Variants in KCNH1 observed in about 807,000 individuals in gnomAD.
KCNH1 encodes the protein potassium voltage-gated channel subfamily H member 1.
A neutral mutation model predicts 69.2 loss-of-function variants in KCNH1; 27 were observed. That is an observed-to-expected ratio of 0.39 (90% CI 0.29 to 0.54). KCNH1 has a LOEUF of 0.54. KCNH1 is among the 20% of genes least tolerant of loss of function. The pLI, the probability that KCNH1 is intolerant of heterozygous loss-of-function variation, is 0.68. For missense variants in KCNH1, 798 were observed against 1,261.6 expected (o/e 0.63, Z 5.57); for synonymous variants, 456 against 487.7 (o/e 0.93, Z 0.86).
chr1:211,027,214 T>C (rs868565964), intron 5 of KCNH1, among the ~76,000 whole-genome samples: 1 of 151,878 alleles, frequency 6.6e-6, no homozygotes, highest in African/African-American at 2.4e-5. Context: ...TTGAAACAAA[T>C]AGAAAGTCTC....
At chr1:210,997,683 G>A (rs1236738037) in intron 6 of KCNH1, among the ~76,000 whole-genome samples, 1 of 152,124 alleles carries the variant, frequency 6.6e-6, no homozygotes, top group Non-Finnish European at 1.5e-5. Flanking sequence ...TACTCCTCGA[G>A]AAGAGCAACT....
intron 7 of KCNH1, among the ~76,000 whole-genome samples, chr1:210,911,700 AC>A (rs1363280059): frequency 1.3e-5 from 2 of 151,974 alleles, no homozygotes; most frequent in African/African-American, 2.4e-5. Flanking sequence ...AGAGACAATG[AC>A]CCTTATCGGT....
intron 7 of KCNH1, among the ~76,000 whole-genome samples, chr1:210,827,225 A>G (rs994258603): frequency 2.0e-5 from 3 of 152,140 alleles, no homozygotes; most frequent in Admixed American, 6.5e-5. Context: ...AATCCCAGCT[A>G]CTCAGGAGGC....
chr1:211,098,953 C>A (rs1691206481), intron 3 of KCNH1, among the ~76,000 whole-genome samples: 1 of 152,140 alleles, frequency 6.6e-6, no homozygotes, highest in South Asian at 2.1e-4. Flanking sequence ...GTCTCAGAAA[C>A]CTTAGTTCAC....
intron 7 of KCNH1, among the ~76,000 whole-genome samples, chr1:210,891,100 T>C (rs1164701303): frequency 1.3e-5 from 2 of 152,224 alleles, no homozygotes; most frequent in Admixed American, 1.3e-4. Context: ...CGTATGTTTA[T>C]TGCGGCACTA....
At chr1:210,988,430 C>A (rs1025461176) in intron 6 of KCNH1, among the ~76,000 whole-genome samples, 4 of 152,126 alleles carry the variant, frequency 2.6e-5, no homozygotes, top group African/African-American at 9.7e-5. Context: ...GGCTCCTCCC[C>A]CTATGCGAGA....
At chr1:210,780,948 G>A (rs1683967073) in intron 9 of KCNH1, among the ~76,000 whole-genome samples, 1 of 152,170 alleles carries the variant, frequency 6.6e-6, no homozygotes, top group Non-Finnish European at 1.5e-5. Flanking sequence ...TTGGGAGGCT[G>A]AGGCAGGAGA....
At chr1:211,080,187 G>A (rs1381945097) in intron 5 of KCNH1, among the ~76,000 whole-genome samples, 1 of 152,184 alleles carries the variant, frequency 6.6e-6, no homozygotes, top group Non-Finnish European at 1.5e-5. Context: ...GACAAACAGA[G>A]AGCCAAATCA....
chr1:210,976,197 C>A (rs1558549618), intron 6 of KCNH1, among the ~76,000 whole-genome samples: 1 of 151,950 alleles, frequency 6.6e-6, no homozygotes, highest in Non-Finnish European at 1.5e-5. Context: ...TGTGGTGATT[C>A]CTCAAGGATC....
chr1:210,899,323 T>C (rs1468344235), intron 7 of KCNH1, among the ~76,000 whole-genome samples: 1 of 152,112 alleles, frequency 6.6e-6, no homozygotes, highest in African/African-American at 2.4e-5. Context: ...TCAAAAAGAT[T>C]TTCAAAGTCT....
intron 6 of KCNH1, among the ~76,000 whole-genome samples, chr1:211,000,027 C>T (rs1411733241): frequency 1.3e-5 from 2 of 152,118 alleles, no homozygotes; most frequent in Non-Finnish European, 2.9e-5. Flanking sequence ...ATAATAAGAG[C>T]TATCTATGAC....
chr1:211,020,715 G>A (rs1207909075), intron 5 of KCNH1, among the ~76,000 whole-genome samples: 1 of 151,920 alleles, frequency 6.6e-6, no homozygotes, highest in African/African-American at 2.4e-5. Context: ...CAATATTCCT[G>A]ATGAACCTAC....
chr1:211,131,046 T>C (rs1691865970), intron 1 of KCNH1, among the ~76,000 whole-genome samples: 1 of 152,186 alleles, frequency 6.6e-6, no homozygotes, highest in Non-Finnish European at 1.5e-5. Context: ...GGTTTTTGCA[T>C]GGTGTACCAT....
chr1:211,085,467 G>A (rs1690935270), intron 4 of KCNH1, among the ~76,000 whole-genome samples: 2 of 151,254 alleles, frequency 1.3e-5, no homozygotes, highest in African/African-American at 2.4e-5. Flanking sequence ...GAACAACAAA[G>A]TGGATAGTGG....
chr1:210,842,114 G>A (rs1685425775), intron 7 of KCNH1, among the ~76,000 whole-genome samples: 1 of 152,050 alleles, frequency 6.6e-6, no homozygotes, highest in Non-Finnish European at 1.5e-5. Flanking sequence ...ATTTGGCTTT[G>A]TCCCCACCAG....
At chr1:211,107,950 C>T (rs1307216025) in intron 1 of KCNH1, among the ~76,000 whole-genome samples, 1 of 152,158 alleles carries the variant, frequency 6.6e-6, no homozygotes, top group Non-Finnish European at 1.5e-5. Flanking sequence ...ACTAGACTCT[C>T]TTAATACTAG....
chr1:210,733,897 A>C (rs1890844), intron 10 of KCNH1, among the ~76,000 whole-genome samples: 74,883 of 151,462 alleles, frequency 0.49, 19,097 homozygotes, highest in East Asian at 0.84. Context: ...TTCACCTTTA[A>C]TCTCCAATAA....
intron 10 of KCNH1, among the ~76,000 whole-genome samples, chr1:210,707,115 G>A (rs1681935027): frequency 6.6e-6 from 1 of 152,188 alleles, no homozygotes; most frequent in Non-Finnish European, 1.5e-5. Flanking sequence ...ATGCACTGAG[G>A]TCAGGTTTTC....
At chr1:211,111,122 T>G (rs1691452349) in intron 1 of KCNH1, among the ~76,000 whole-genome samples, 1 of 152,206 alleles carries the variant, frequency 6.6e-6, no homozygotes, top group South Asian at 2.1e-4. Flanking sequence ...ATTAAATTTT[T>G]TACTTACTGA....
Sources: allele counts gnomAD v4.1 joint callset (sites outside exome capture counted in the v4.1 genomes callset), GRCh38; gene constraint gnomAD v4.1.1; transcripts MANE v1.5; gene names NCBI Gene and HGNC (gene_info 2026-07-23, HGNC 2026-07-21).